RGS6: variants seen among roughly 807,000 people sequenced by gnomAD.
The protein encoded by RGS6 is regulator of G protein signaling 6, also known as regulator of G-protein signaling 6.
Under a neutral mutation model 78.5 loss-of-function variants are expected in RGS6, and 30 were observed. That is an observed-to-expected ratio of 0.38 (90% CI 0.29 to 0.52). RGS6 has a LOEUF of 0.52. RGS6 is among the 20% of genes least tolerant of loss of function. The pLI is 0.85. For missense variants in RGS6, 495 were observed against 609.7 expected (o/e 0.81, Z 1.98); for synonymous variants, 206 against 206.0 (o/e 1.00, Z 0.00).
intron 2 of RGS6, among the ~76,000 whole-genome samples, chr14:72,315,944 C>G (rs1459622315): frequency 6.6e-6 from 1 of 152,252 alleles, no homozygotes; most frequent in Non-Finnish European, 1.5e-5. Flanking sequence ...CCAGAAACCA[C>G]AAATCCCCAG....
chr14:72,540,848 A>T (rs1205143272), intron 17 of RGS6: 1 of 985,294 alleles, frequency 1.0e-6, no homozygotes, highest in Non-Finnish European at 1.2e-6. Flanking sequence ...GGTACGCCCC[A>T]GCTAGAGAGG....
At chr14:71,884,486 T>A in the RGS6 span, among the ~76,000 whole-genome samples, 1 of 152,198 alleles carries the variant, frequency 6.6e-6, no homozygotes, top group Non-Finnish European at 1.5e-5. Flanking sequence ...CCTACTTCAG[T>A]TCATTTTAGA....
intron 2 of RGS6, among the ~76,000 whole-genome samples, chr14:72,202,851 G>A (rs1182756529): frequency 6.6e-6 from 1 of 151,806 alleles, no homozygotes; most frequent in Non-Finnish European, 1.5e-5. Context: ...GGATTCTGTA[G>A]GATGGATCCT....
At chr14:72,079,860 C>A (rs1306563796) in intron 2 of RGS6, among the ~76,000 whole-genome samples, 1 of 152,138 alleles carries the variant, frequency 6.6e-6, no homozygotes, top group Admixed American at 6.5e-5. Context: ...TCATAAATGA[C>A]AGATATCCTT....
chr14:72,339,221 C>T (rs919734533), intron 2 of RGS6, among the ~76,000 whole-genome samples: 1 of 152,088 alleles, frequency 6.6e-6, no homozygotes, highest in Non-Finnish European at 1.5e-5. Flanking sequence ...TAGTGTTCTA[C>T]CTCCATGAAT....
intron 2 of RGS6, among the ~76,000 whole-genome samples, chr14:72,294,009 C>T (rs1444341644): frequency 6.6e-6 from 1 of 152,164 alleles, no homozygotes; most frequent in Non-Finnish European, 1.5e-5. Context: ...CGGGCTGTGT[C>T]CTGTGTGACA....
intron 2 of RGS6, among the ~76,000 whole-genome samples, chr14:72,039,410 T>G (rs2092136789): frequency 6.6e-6 from 1 of 152,172 alleles, no homozygotes; most frequent in African/African-American, 2.4e-5. Flanking sequence ...TATTGTATCT[T>G]CCCTATGAAT....
intron 2 of RGS6, among the ~76,000 whole-genome samples, chr14:72,307,617 C>A (rs2067559294): frequency 1.3e-5 from 2 of 152,046 alleles, no homozygotes; most frequent in South Asian, 4.1e-4. Flanking sequence ...TCTCTTCATG[C>A]ACAAAAATGA....
the RGS6 span, among the ~76,000 whole-genome samples, chr14:72,598,334 C>T: frequency 6.6e-6 from 1 of 152,114 alleles, no homozygotes; most frequent in Admixed American, 6.5e-5. Flanking sequence ...AGGAAGGGTC[C>T]CAGGGTCTTG....
At chr14:72,307,927 CAT>C (rs1483667501) in intron 2 of RGS6, among the ~76,000 whole-genome samples, 4 of 152,182 alleles carry the variant, frequency 2.6e-5, no homozygotes, top group Non-Finnish European at 5.9e-5. Context: ...AGCTCTTCCA[CAT>C]GTCTCATTAC....
chr14:72,162,483 G>A (rs2096866241), intron 2 of RGS6, among the ~76,000 whole-genome samples: 1 of 152,164 alleles, frequency 6.6e-6, no homozygotes, highest in East Asian at 1.9e-4. Flanking sequence ...GGCATGTGAT[G>A]TCTGGAGTTG....
At chr14:72,598,468 G>C in the RGS6 span, among the ~76,000 whole-genome samples, 2 of 152,256 alleles carry the variant, frequency 1.3e-5, no homozygotes, top group Non-Finnish European at 1.5e-5. Context: ...CAGGGAGAGA[G>C]AAGCCAGGCA....
At chr14:72,485,971 G>A (rs1381775259) in intron 12 of RGS6, among the ~76,000 whole-genome samples, 1 of 152,130 alleles carries the variant, frequency 6.6e-6, no homozygotes, top group Non-Finnish European at 1.5e-5. Context: ...ATCTTGAATT[G>A]TAGTTCCCAT....
intron 2 of RGS6, among the ~76,000 whole-genome samples, chr14:72,204,299 G>A (rs1019066991): frequency 2.0e-5 from 3 of 152,158 alleles, no homozygotes; most frequent in Non-Finnish European, 4.4e-5. Flanking sequence ...GTTATATTCT[G>A]TTTCTTGGAA....
At chr14:72,380,482 C>G (rs552088561) in intron 3 of RGS6, among the ~76,000 whole-genome samples, 4 of 148,510 alleles carry the variant, frequency 2.7e-5, no homozygotes, top group Admixed American at 1.3e-4. Context: ...AAAAAAAAAC[C>G]GAACAATCCA....
chr14:72,154,076 C>G (rs554423305), intron 2 of RGS6, among the ~76,000 whole-genome samples: 1 of 152,028 alleles, frequency 6.6e-6, no homozygotes, highest in Non-Finnish European at 1.5e-5. Context: ...CGTTTCCTAG[C>G]GTATTAATAT....
At chr14:72,608,105 T>G in the RGS6 span, among the ~76,000 whole-genome samples, 1 of 152,186 alleles carries the variant, frequency 6.6e-6, no homozygotes, top group African/African-American at 2.4e-5. Flanking sequence ...GTTCCCTCAA[T>G]TTCCCCCTTG....
intron 4 of RGS6, among the ~76,000 whole-genome samples, chr14:72,456,200 G>C (rs1329091643): frequency 1.3e-5 from 2 of 152,172 alleles, no homozygotes; most frequent in Non-Finnish European, 2.9e-5. Flanking sequence ...TAGTCTAAGG[G>C]GGGAGATGAG....
the RGS6 span, among the ~76,000 whole-genome samples, chr14:71,877,611 A>G: frequency 6.6e-6 from 1 of 152,128 alleles, no homozygotes; most frequent in Admixed American, 6.5e-5. Flanking sequence ...CTTCTTTGCC[A>G]TGGGTTTGAA....
Sources: allele counts gnomAD v4.1 joint callset (sites outside exome capture counted in the v4.1 genomes callset), GRCh38; gene constraint gnomAD v4.1.1; transcripts MANE v1.5; gene names NCBI Gene and HGNC (gene_info 2026-07-23, HGNC 2026-07-21).